RAB43: variants seen among roughly 807,000 people sequenced by gnomAD.
RAB43 encodes the protein ras-related protein Rab-43.
A neutral mutation model predicts 18.8 loss-of-function variants in RAB43; 6 were observed. The observed-to-expected ratio is 0.32, with a 90% CI of 0.17 to 0.63. The LOEUF is 0.63. RAB43 is among the 30% of genes least tolerant of loss of function. The probability of loss-of-function intolerance (pLI) is 0.79; values close to 1 mark genes in which losing one functional copy is unlikely to be tolerated. For synonymous variants in RAB43, 103 were observed against 124.1 expected, an observed-to-expected ratio of 0.83 and a Z score of 1.13; for missense variants, 195 against 289.1, an observed-to-expected ratio of 0.67 and a Z score of 2.36.
At chr3:129,117,480 A>G (rs1935622744) in intron 1 of RAB43, among the ~76,000 whole-genome samples, 1 of 152,260 alleles carries the variant, frequency 6.6e-6, no homozygotes, top group Non-Finnish European at 1.5e-5. Context: ...TCATAGCTAC[A>G]GTCAAATGCA....
chr3:129,119,376 C>T (rs1935758752), intron 1 of RAB43, among the ~76,000 whole-genome samples: 1 of 152,170 alleles, frequency 6.6e-6, no homozygotes, highest in African/African-American at 2.4e-5. Flanking sequence ...GGCTTCCCCA[C>T]CACAGACAAC....
intron 1 of RAB43, among the ~76,000 whole-genome samples, chr3:129,096,404 C>A (rs1419922173): frequency 6.6e-6 from 1 of 152,242 alleles, no homozygotes; most frequent in African/African-American, 2.4e-5. Context: ...GAAAACCAGG[C>A]CTATGTTCCA....
At chr3:129,092,525 T>C in intron 2 of RAB43, 1 of 699,690 alleles carries the variant, frequency 1.4e-6, no homozygotes, top group South Asian at 1.5e-5. Flanking sequence ...TACTTGGAGG[T>C]TGAGGCAGGA....
chr3:129,110,377 T>A (rs1935080239), intron 1 of RAB43, among the ~76,000 whole-genome samples: 1 of 152,166 alleles, frequency 6.6e-6, no homozygotes, highest in African/African-American at 2.4e-5. Context: ...AAAGGTAAAG[T>A]ACACTGTGCC....
chr3:129,099,414 T>C (rs1576824159), intron 1 of RAB43, among the ~76,000 whole-genome samples: 1 of 139,744 alleles, frequency 7.2e-6, no homozygotes, highest in Non-Finnish European at 1.5e-5. Flanking sequence ...TGAGACGGAG[T>C]TTCGCTCTGT....
At chr3:129,094,908 C>G in intron 2 of RAB43, 78 bp downstream of exon 2, 1 of 1,543,816 alleles carries the variant, frequency 6.5e-7, no homozygotes, top group Non-Finnish European at 8.8e-7. Flanking sequence ...CTCAGGGTTA[C>G]ACTGTGTTTA....
At chr3:129,109,046 A>G (rs1291045359) in intron 1 of RAB43, among the ~76,000 whole-genome samples, 4 of 151,132 alleles carry the variant, frequency 2.6e-5, no homozygotes, top group African/African-American at 9.8e-5. Flanking sequence ...ATGAGAAAAA[A>G]CTACAAGGTG....
chr3:129,110,833 C>T (rs544726278), intron 1 of RAB43, among the ~76,000 whole-genome samples: 2 of 151,428 alleles, frequency 1.3e-5, no homozygotes, highest in African/African-American at 2.4e-5. Context: ...ACAAAAAAAA[C>T]ACTGAATCAC....
At chr3:129,115,766 A>G (rs1040543730) in intron 1 of RAB43, among the ~76,000 whole-genome samples, 2 of 151,590 alleles carry the variant, frequency 1.3e-5, no homozygotes, top group African/African-American at 2.4e-5. Context: ...GGTTCCAGTG[A>G]GCCGAGATCA....
intron 1 of RAB43, among the ~76,000 whole-genome samples, chr3:129,105,363 G>C (rs539099218): frequency 6.6e-6 from 1 of 152,304 alleles, no homozygotes; most frequent in Admixed American, 6.5e-5. Context: ...TGAAGCACGA[G>C]AACTGCTTGA....
intron 1 of RAB43, among the ~76,000 whole-genome samples, chr3:129,111,753 G>A (rs1935188056): frequency 6.6e-6 from 1 of 151,918 alleles, no homozygotes; most frequent in African/African-American, 2.4e-5. Context: ...ATATTTCATA[G>A]AATTTTCATG....
intron 2 of RAB43, among the ~76,000 whole-genome samples, chr3:129,092,891 G>C (rs900436359): frequency 6.6e-6 from 1 of 151,870 alleles, no homozygotes; most frequent in Non-Finnish European, 1.5e-5. Flanking sequence ...AGGAGGCAGA[G>C]CTTGCCATGA....
intron 1 of RAB43, among the ~76,000 whole-genome samples, chr3:129,105,069 G>A (rs1490826469): frequency 2.0e-5 from 3 of 152,174 alleles, no homozygotes; most frequent in Admixed American, 2.0e-4. Flanking sequence ...CCAGACAAGT[G>A]ACATAAAAGG....
intron 1 of RAB43, among the ~76,000 whole-genome samples, chr3:129,109,304 G>A (rs185143544): frequency 6.6e-6 from 1 of 152,096 alleles, no homozygotes; most frequent in East Asian, 1.9e-4. Context: ...CAGCTACTCG[G>A]GAGGCTGAGG....
At position 129,113,093 on chromosome 3, in the gene RAB43, T is replaced by A. The variant is rs139862662; in HGVS notation, c.204+8193A>T. Among the ~76,000 whole-genome samples the A allele has an allele frequency of 5.7e-3, 861 of 151,990 alleles. 3 individuals are homozygous for A. The highest frequency in any genetic ancestry group is 0.015 in the African/African-American group (612 of 41,480). ...CTTCGGGAAATGCATATACAATTACTCAAAGAGATGACTCTGAAAGGGATA... is the reference window on the plus strand; with the variant it reads ...CTTCGGGAAATGCATATACAATTACACAAAGAGATGACTCTGAAAGGGATA... On this transcript the variant is annotated intron_variant, in intron 1 of 2. Coordinates refer to ENST00000315150, the MANE Select transcript of RAB43 (RefSeq NM_198490.3).
chr3:129,095,186 C>T lies in RAB43; in HGVS notation c.205-17G>A, dbSNP rs1344017503. ...GATCTGCAGCTAAAGAAATAAGGTT[C>T]CTCAGTGAACCCAGTGGCACAGGCT... is the stretch of plus-strand genomic sequence containing the variant. On this transcript the variant is annotated splice_polypyrimidine_tract_variant and intron_variant, in intron 1 of 2. Coordinates refer to ENST00000315150, the MANE Select transcript of RAB43 (RefSeq NM_198490.3). The surrounding 1 kb of genome is among the most constrained non-coding windows in gnomAD (Gnocchi z 4.2). The T allele has an allele frequency of 6.2e-7, 1 of 1,609,902 alleles. No homozygotes were observed. The highest frequency in any genetic ancestry group is 1.7e-5 in the Admixed American group (1 of 59,806).
At chr3:129,105,484 AAAC>A (rs1437669174) in intron 1 of RAB43, among the ~76,000 whole-genome samples, 1 of 151,406 alleles carries the variant, frequency 6.6e-6, no homozygotes, top group Admixed American at 6.6e-5. Flanking sequence ...AAACAAAACA[AAAC>A]AAAAAAAACA....
At chr3:129,111,115 C>G (rs1935139710) in intron 1 of RAB43, among the ~76,000 whole-genome samples, 2 of 152,036 alleles carry the variant, frequency 1.3e-5, no homozygotes, top group South Asian at 4.1e-4. Context: ...AGGTGGTCTC[C>G]TTTTTTCACT....
At chr3:129,100,506 C>T (rs1198310358) in intron 1 of RAB43, among the ~76,000 whole-genome samples, 1 of 152,178 alleles carries the variant, frequency 6.6e-6, no homozygotes, top group Admixed American at 6.5e-5. Flanking sequence ...CTTGTAGAAC[C>T]AAATGACTCC....
Sources: allele counts gnomAD v4.1 joint callset (sites outside exome capture counted in the v4.1 genomes callset), GRCh38; gene constraint gnomAD v4.1.1; non-coding constraint Gnocchi (gnomAD v3.1); transcripts MANE v1.5; gene names NCBI Gene and HGNC (gene_info 2026-07-23, HGNC 2026-07-21).